The following CSTPP1 variants were observed in gnomAD, a reference collection of about 807,000 sequenced individuals.
The protein encoded by CSTPP1 is UPF0705 protein C11orf49.
chr11:47,155,950 A>G, the CSTPP1 span: 1 of 152,296 alleles, frequency 6.6e-6, no homozygotes. Flanking sequence ...AATATACACC[A>G]GCTCACGCAC....
the CSTPP1 span, chr11:47,041,190 C>A: frequency 4.9e-6 from 1 of 203,346 alleles, no homozygotes; most frequent in South Asian, 4.9e-5. Flanking sequence ...TGTGTCAGGC[C>A]TCACATATCT....
the CSTPP1 span, among the ~76,000 whole-genome samples, chr11:47,101,576 T>C: frequency 6.6e-6 from 1 of 151,830 alleles, no homozygotes; most frequent in Non-Finnish European, 1.5e-5. Flanking sequence ...ATCGGAACCC[T>C]GCAAAGATAG....
At chr11:46,945,674 CT>C in the CSTPP1 span, among the ~76,000 whole-genome samples, 2 of 152,056 alleles carry the variant, frequency 1.3e-5, no homozygotes, top group African/African-American at 4.8e-5. Flanking sequence ...TCACCTCTTT[CT>C]TTCCTTTTCC....
chr11:47,157,898 C>A, the CSTPP1 span: 7 of 1,613,940 alleles, frequency 4.3e-6, no homozygotes, highest in East Asian at 1.1e-4. Flanking sequence ...TCTCTCAAAG[C>A]ACCGTGGAAT....
At chr11:46,959,116 G>A in the CSTPP1 span, among the ~76,000 whole-genome samples, 4 of 151,694 alleles carry the variant, frequency 2.6e-5, no homozygotes, top group Admixed American at 2.6e-4. Context: ...ATTTAAAAAA[G>A]TTTGTTGAAT....
the CSTPP1 span, among the ~76,000 whole-genome samples, chr11:47,001,725 C>T: frequency 6.6e-6 from 1 of 151,854 alleles, no homozygotes; most frequent in Non-Finnish European, 1.5e-5. Flanking sequence ...CACTTCTTTC[C>T]TACATAATCT....
At chr11:47,036,090 TATTA>T in the CSTPP1 span, among the ~76,000 whole-genome samples, 2 of 33,702 alleles carry the variant, frequency 5.9e-5, 1 homozygote, top group Non-Finnish European at 1.5e-4. Flanking sequence ...ATATATATTA[TATTA>T]TATATTATAT....
chr11:46,977,232 A>G, the CSTPP1 span, among the ~76,000 whole-genome samples: 1 of 152,196 alleles, frequency 6.6e-6, no homozygotes, highest in Admixed American at 6.6e-5. Flanking sequence ...TAGGGACTCC[A>G]TTCCTCAACA....
the CSTPP1 span, chr11:47,137,453 G>C: frequency 2.0e-6 from 3 of 1,507,422 alleles, no homozygotes; most frequent in Non-Finnish European, 8.8e-7. Context: ...TCCCACCCTG[G>C]AAAAGCTTTG....
At chr11:47,005,159 C>T in the CSTPP1 span, among the ~76,000 whole-genome samples, 1 of 152,280 alleles carries the variant, frequency 6.6e-6, no homozygotes, top group Non-Finnish European at 1.5e-5. Context: ...AGAGATACTA[C>T]AGAAAATTGA....
chr11:47,094,609 GT>G, the CSTPP1 span, among the ~76,000 whole-genome samples: 2 of 152,150 alleles, frequency 1.3e-5, no homozygotes, highest in Admixed American at 6.5e-5. Context: ...AATATGTATA[GT>G]TTTTTGTATG....
chr11:46,957,439 A>T, the CSTPP1 span, among the ~76,000 whole-genome samples: 3 of 152,296 alleles, frequency 2.0e-5, no homozygotes, highest in African/African-American at 7.2e-5. Flanking sequence ...ATGACTTTAT[A>T]CTACCCTTAC....
chr11:47,094,429 C>A, the CSTPP1 span, among the ~76,000 whole-genome samples: 1 of 151,482 alleles, frequency 6.6e-6, no homozygotes, highest in Non-Finnish European at 1.5e-5. Context: ...AATTAGGAAC[C>A]TAACAATTTA....
the CSTPP1 span, among the ~76,000 whole-genome samples, chr11:47,110,564 A>G: frequency 6.6e-6 from 1 of 152,342 alleles, no homozygotes; most frequent in Non-Finnish European, 1.5e-5. Context: ...AGGGTCATAG[A>G]GACCAAGTAC....
the CSTPP1 span, among the ~76,000 whole-genome samples, chr11:46,978,483 GT>G: frequency 6.6e-6 from 1 of 152,192 alleles, no homozygotes; most frequent in Non-Finnish European, 1.5e-5. Flanking sequence ...CTTTGGTGGT[GT>G]TTTTATACCA....
chr11:47,074,761 T>G, the CSTPP1 span, among the ~76,000 whole-genome samples: 1 of 152,214 alleles, frequency 6.6e-6, no homozygotes, highest in Non-Finnish European at 1.5e-5. Flanking sequence ...GTACAAAATG[T>G]CAGCCATAAA....
chr11:47,150,052 T>C, the CSTPP1 span, among the ~76,000 whole-genome samples: 1 of 152,044 alleles, frequency 6.6e-6, no homozygotes, highest in Non-Finnish European at 1.5e-5. Context: ...CTCCCTAGTC[T>C]TCACTTCTAA....
the CSTPP1 span, chr11:46,936,988 G>T: frequency 8.3e-7 from 1 of 1,207,854 alleles, no homozygotes; most frequent in South Asian, 1.9e-5. Flanking sequence ...GGGGGTTCCA[G>T]GGCCTGAGCC....
chr11:47,068,404 C>T, the CSTPP1 span, among the ~76,000 whole-genome samples: 1 of 151,704 alleles, frequency 6.6e-6, no homozygotes, highest in Non-Finnish European at 1.5e-5. Context: ...CGGTGGCGCG[C>T]GCCTGTAATT....
Sources: gnomAD v4.1 joint callset for allele counts (sites outside exome capture counted in the v4.1 genomes callset) on GRCh38, gnomAD v4.1.1 for gene constraint, MANE v1.5 for transcripts, NCBI Gene and HGNC (gene_info 2026-07-23, HGNC 2026-07-21) for gene names.